Variants in IL1RAPL1 observed in about 807,000 individuals in gnomAD.
IL1RAPL1 encodes the protein interleukin 1 receptor accessory protein like 1.
A neutral mutation model predicts 48.4 loss-of-function variants in IL1RAPL1; 3 were observed. The observed-to-expected ratio is 0.06, with a 90% confidence interval of 0.03 to 0.16. The LOEUF is 0.16. Ranked by LOEUF, IL1RAPL1 falls within the 10% of genes least tolerant of loss-of-function variation. IL1RAPL1 has a pLI of 1.00. For synonymous variants in IL1RAPL1, 185 were observed against 187.7 expected (o/e 0.99, Z 0.12); for missense variants, 349 against 530.6 (o/e 0.66, Z 3.36).
intron 5 of IL1RAPL1, among the ~76,000 whole-genome samples, chrX:29,447,296 C>T (rs1934623611): frequency 9.2e-6 from 1 of 109,101 alleles, no homozygotes. Flanking sequence ...TTCACACTTT[C>T]ACATTGAGGT....
In IL1RAPL1 at chrX:29,937,583, A is replaced by G. The variant is rs148317992; in HGVS notation, c.1058-4068A>G. On this transcript the variant is annotated intron_variant, in intron 8 of 10. Transcript: ENST00000378993. ...TTCTTTGAAAGGGTTTTCATATGCT[A>G]TATAAACCAGTGTGACTTAAATAGA... Among the ~76,000 whole-genome samples the G allele has an allele frequency of 5.4e-3, 605 of 112,412 alleles. 2 individuals are homozygous for G. Among genetic ancestry groups the G allele is most frequent in the Admixed American group, 0.014 (149 of 10,591 alleles).
intron 6 of IL1RAPL1, among the ~76,000 whole-genome samples, chrX:29,868,004 G>T (rs1277599376): frequency 8.9e-6 from 1 of 112,334 alleles, no homozygotes; most frequent in African/African-American, 3.2e-5. Context: ...AATAGAAACT[G>T]CTTTCAAATT....
intron 1 of IL1RAPL1, among the ~76,000 whole-genome samples, chrX:28,724,520 G>A (rs1180256059): frequency 9.0e-6 from 1 of 111,084 alleles, no homozygotes; most frequent in Non-Finnish European, 1.9e-5. Context: ...CCTGAATACA[G>A]CACACTGATG....
intron 5 of IL1RAPL1, among the ~76,000 whole-genome samples, chrX:29,630,475 A>G (rs181162782): frequency 9.0e-6 from 1 of 111,499 alleles, no homozygotes; most frequent in East Asian, 2.8e-4. Flanking sequence ...CAATACAACT[A>G]TTTCACTACC....
chrX:29,064,115 A>C (rs1440067805), intron 2 of IL1RAPL1, among the ~76,000 whole-genome samples: 1 of 112,014 alleles, frequency 8.9e-6, no homozygotes, highest in Non-Finnish European at 1.9e-5. Context: ...ACATTTGCTC[A>C]GCCATTAAGC....
intron 2 of IL1RAPL1, among the ~76,000 whole-genome samples, chrX:29,058,968 A>G (rs1466529523): frequency 8.9e-6 from 1 of 112,214 alleles, no homozygotes; most frequent in Non-Finnish European, 1.9e-5. Flanking sequence ...AATTGTGTCC[A>G]TGAATGTTTT....
intron 1 of IL1RAPL1, among the ~76,000 whole-genome samples, chrX:28,736,330 A>G (rs1253150556): frequency 9.1e-6 from 1 of 109,468 alleles, no homozygotes; most frequent in Non-Finnish European, 1.9e-5. Flanking sequence ...GCTACTTGGG[A>G]GGCTGAGGCA....
At chrX:28,772,566 GTGTAAACAT>G (rs1936321288) in intron 1 of IL1RAPL1, among the ~76,000 whole-genome samples, 1 of 111,663 alleles carries the variant, frequency 9.0e-6, no homozygotes, top group Non-Finnish European at 1.9e-5. Context: ...TTTTCTTAAG[GTGTAAACAT>G]TGGATATATT....
At chrX:28,892,983 T>C (rs1176844075) in intron 2 of IL1RAPL1, among the ~76,000 whole-genome samples, 2 of 110,856 alleles carry the variant, frequency 1.8e-5, no homozygotes, top group African/African-American at 6.6e-5. Context: ...ACTTTAAGAG[T>C]TAAGAGTGGC....
intron 1 of IL1RAPL1, among the ~76,000 whole-genome samples, chrX:28,594,641 T>C (rs1933936299): frequency 8.9e-6 from 1 of 111,769 alleles, no homozygotes; most frequent in African/African-American, 3.2e-5. Flanking sequence ...CAGCTGGGTG[T>C]TCTAGTTATA....
intron 3 of IL1RAPL1, 44 bp downstream of exon 3, chrX:29,283,261 G>T (rs768745833): frequency 8.7e-7 from 1 of 1,150,960 alleles, no homozygotes; most frequent in South Asian, 1.8e-5. Flanking sequence ...GAAAGCACAG[G>T]CTGCTTTCTC....
At chrX:28,689,627 G>A (rs1169177063) in intron 1 of IL1RAPL1, among the ~76,000 whole-genome samples, 2 of 111,672 alleles carry the variant, frequency 1.8e-5, no homozygotes, top group Admixed American at 9.5e-5. Flanking sequence ...AACTCAAAAC[G>A]TCCTTTGAAA....
chrX:29,256,934 TTATATA>T (rs1267251361), intron 2 of IL1RAPL1, among the ~76,000 whole-genome samples: 1 of 111,414 alleles, frequency 9.0e-6, no homozygotes, highest in Non-Finnish European at 1.9e-5. Flanking sequence ...TGCTATATGT[TTATATA>T]TATAGCATTT....
intron 2 of IL1RAPL1, among the ~76,000 whole-genome samples, chrX:28,998,254 CTG>C (rs1925767654): frequency 9.1e-6 from 1 of 109,958 alleles, no homozygotes; most frequent in African/African-American, 3.3e-5. Context: ...GAAATAACAA[CTG>C]AGACTATTCA....
intron 2 of IL1RAPL1, among the ~76,000 whole-genome samples, chrX:29,179,992 C>A (rs1244187845): frequency 1.8e-5 from 2 of 108,592 alleles, no homozygotes; most frequent in Admixed American, 2.0e-4. Flanking sequence ...TACTCGTGAG[C>A]ACTACTGGCC....
intron 1 of IL1RAPL1, among the ~76,000 whole-genome samples, chrX:28,706,013 T>C (rs1254467004): frequency 8.9e-6 from 1 of 112,107 alleles, no homozygotes; most frequent in East Asian, 2.8e-4. Flanking sequence ...GGCTGCATCA[T>C]TTTATATTGC....
At chrX:29,850,461 G>A (rs1254024908) in intron 6 of IL1RAPL1, among the ~76,000 whole-genome samples, 3 of 112,175 alleles carry the variant, frequency 2.7e-5, no homozygotes, top group Non-Finnish European at 5.6e-5. Flanking sequence ...GGGACCTTAA[G>A]GACCCTTCAG....
In IL1RAPL1 at chrX:29,732,243, A is replaced by G. The variant is rs151179343; in HGVS notation, c.778+63739A>G. Among the ~76,000 whole-genome samples, 522 of 111,891 alleles carry G rather than the reference A, an allele frequency of 4.7e-3. 2 individuals carry two copies. The highest frequency in any genetic ancestry group is 7.4e-3 in the Non-Finnish European group (392 of 53,179). Reference sequence around the variant, plus strand: ...TTAGTCTTCTTTGGAAATAACGTGTAAGAGGATTTTGTTAATTCTCATTAC... The same window carrying G: ...TTAGTCTTCTTTGGAAATAACGTGTGAGAGGATTTTGTTAATTCTCATTAC... On this transcript the variant is annotated intron_variant, in intron 6 of 10. Transcript: ENST00000378993.
intron 1 of IL1RAPL1, among the ~76,000 whole-genome samples, chrX:28,671,054 C>CA (rs1241255039): frequency 2.7e-5 from 3 of 112,036 alleles, no homozygotes; most frequent in African/African-American, 9.7e-5. Flanking sequence ...TTCTTTTTCT[C>CA]AAGTCTTTCA....
Sources: gnomAD v4.1 joint callset for allele counts (sites outside exome capture counted in the v4.1 genomes callset) on GRCh38, gnomAD v4.1.1 for gene constraint, MANE v1.5 for transcripts, NCBI Gene and HGNC (gene_info 2026-07-23, HGNC 2026-07-21) for gene names.